LYPD6: variants seen among roughly 807,000 people sequenced by gnomAD.
LYPD6 encodes the protein LY6/PLAUR domain containing 6.
LYPD6 carries 15 observed loss-of-function variants against 22.7 expected under a neutral mutation model. That is an observed-to-expected ratio of 0.66 (90% CI 0.44 to 1.02). LYPD6 has a LOEUF of 1.02. Among genes scored for constraint, LYPD6 ranks in the 50% least tolerant of loss-of-function variants. The pLI is 0.00. For missense variants in LYPD6, 189 were observed against 208.4 expected, an observed-to-expected ratio of 0.91 and a Z score of 0.57; for synonymous variants, 72 against 77.5, an observed-to-expected ratio of 0.93 and a Z score of 0.37.
chr2:149,345,060 A>T (rs576208997), intron 1 of LYPD6, among the ~76,000 whole-genome samples: 8 of 151,988 alleles, frequency 5.3e-5, no homozygotes, highest in Middle Eastern at 6.8e-3. Context: ...CTCCATCTTT[A>T]AAAAAAATAA....
At chr2:149,450,601 G>T (rs531611350) in intron 3 of LYPD6, among the ~76,000 whole-genome samples, 136 of 152,252 alleles carry the variant, frequency 8.9e-4, no homozygotes, top group African/African-American at 3.1e-3. Flanking sequence ...ATATCCAGCC[G>T]TCTGAGTAAT....
intron 1 of LYPD6, among the ~76,000 whole-genome samples, chr2:149,369,402 G>T (rs976339034): frequency 1.1e-4 from 17 of 152,054 alleles, no homozygotes; most frequent in South Asian, 2.1e-4. Context: ...CTCTGTGTGG[G>T]TGACATACCC....
chr2:149,368,850 A>T (rs149525994), intron 1 of LYPD6, among the ~76,000 whole-genome samples: 60 of 152,280 alleles, frequency 3.9e-4, no homozygotes, highest in Non-Finnish European at 6.6e-4. Flanking sequence ...CGGGAAACAG[A>T]GGAAGAAGGG....
chr2:149,449,239 T>A, intron 3 of LYPD6, 92 bp downstream of exon 3: 2 of 757,554 alleles, frequency 2.6e-6, no homozygotes, highest in East Asian at 5.4e-5. Context: ...GAGGCATGCT[T>A]GCAATCTCAG....
intron 1 of LYPD6, among the ~76,000 whole-genome samples, chr2:149,435,672 A>C (rs527419230): frequency 6.6e-6 from 1 of 152,318 alleles, no homozygotes; most frequent in South Asian, 2.1e-4. Flanking sequence ...TTGTTTTTTC[A>C]TCATGTTGTT....
chr2:149,377,250 C>G (rs1198871836), intron 1 of LYPD6, among the ~76,000 whole-genome samples: 5 of 148,946 alleles, frequency 3.4e-5, no homozygotes, highest in Admixed American at 1.3e-4. Flanking sequence ...TCTGTCAGGT[C>G]TGCTGGCAGG....
Position 149,437,680 on chromosome 2 carries a change from C to T in LYPD6, c.-29C>T. 1 of 1,613,104 alleles carries T rather than the reference C, an allele frequency of 6.2e-7. No individual in the cohort carries two copies. On this transcript the variant is annotated 5_prime_UTR_variant, in exon 2 of 5. Transcript: ENST00000334166. ...TTGCCCTGAGTGCCCACTCCCAGGCCCTCTGTATGAGTGACACTTCAGTCT... is the reference window on the plus strand; with the variant it reads ...TTGCCCTGAGTGCCCACTCCCAGGCTCTCTGTATGAGTGACACTTCAGTCT...
rs549294901 is a variant in LYPD6 at position 149,333,780 on chromosome 2, G to T, written c.-72+3058G>T. Among the ~76,000 whole-genome samples the T allele has an allele frequency of 3.3e-5, 5 of 152,142 alleles. No individual in the cohort carries two copies. The South Asian group carries it at 8.3e-4, about 25-fold the overall frequency. On this transcript the variant is annotated intron_variant, in intron 1 of 4. Transcript: ENST00000334166. ...AAATGCCCCGTTATTGTTAGCTGTT[G>T]GTATCATACATTCTTTCAGGAACTG...
intron 1 of LYPD6, among the ~76,000 whole-genome samples, chr2:149,416,505 A>G (rs140565383): frequency 9.2e-5 from 14 of 152,308 alleles, no homozygotes; most frequent in African/African-American, 2.6e-4. Flanking sequence ...TATCTCTGCC[A>G]TTTGGTCCCT....
At position 149,331,779 on chromosome 2, in the gene LYPD6, A is replaced by G. The variant is rs554802280; in HGVS notation, c.-72+1057A>G. Among the ~76,000 whole-genome samples, 195 of 152,034 alleles carry G rather than the reference A, an allele frequency of 1.3e-3. 4 individuals carry two copies. In the South Asian group the frequency reaches 0.034, roughly 27 times the overall value. ...CCCAAGGTGTGACCTCCAAAATTCA[A>G]TTTTCTTTGTGGGAGGCAAGGGAGT... On this transcript the variant is annotated intron_variant, in intron 1 of 4. Coordinates refer to ENST00000334166, the MANE Select transcript of LYPD6 (RefSeq NM_194317.5).
At chr2:149,429,488 T>C (rs1294558966) in intron 1 of LYPD6, among the ~76,000 whole-genome samples, 2 of 152,220 alleles carry the variant, frequency 1.3e-5, no homozygotes, top group African/African-American at 2.4e-5. Context: ...GCCTATTTGA[T>C]TGGGATTTCT....
At position 149,382,834 on chromosome 2, in the gene LYPD6, CTT is replaced by C. The variant is rs1412040469; in HGVS notation, c.-72+52115_-72+52116del. 2.0e-5 allele frequency among the ~76,000 whole-genome samples: 3 copies of C among 151,888 alleles called. 1 individual carries two copies. The highest frequency in any genetic ancestry group is 4.4e-5 in the Non-Finnish European group (3 of 67,950). On this transcript the variant is annotated intron_variant, in intron 1 of 4. Coordinates refer to ENST00000334166, the MANE Select transcript of LYPD6 (RefSeq NM_194317.5). ...CAAATTTATGAAAATATTGTGGACT[CTT>C]TTCTAGAATTCTTTAAGATAGATTA...
chr2:149,410,649 G>C (rs886711078), intron 1 of LYPD6, among the ~76,000 whole-genome samples: 2 of 152,150 alleles, frequency 1.3e-5, no homozygotes, highest in East Asian at 3.9e-4. Context: ...TAAAGTCGTT[G>C]ATTCCTGATT....
upstream of LYPD6, chr2:149,330,364 G>C (rs1458569447): frequency 6.6e-6 from 1 of 151,616 alleles, no homozygotes; most frequent in Non-Finnish European, 1.5e-5. Flanking sequence ...GCTGGCCGGA[G>C]TTTGCAGACT....
At chr2:149,382,764 G>GATTTGA (rs1239366691) in intron 1 of LYPD6, among the ~76,000 whole-genome samples, 1,316 of 50,186 alleles carry the variant, frequency 0.026, 21 homozygotes, top group African/African-American at 0.17. Context: ...TAGAAAAGTA[G>GATTTGA]TAGATTTGAT....
chr2:149,369,093 G>A (rs541679134), intron 1 of LYPD6, among the ~76,000 whole-genome samples: 1 of 152,034 alleles, frequency 6.6e-6, no homozygotes, highest in African/African-American at 2.4e-5. Flanking sequence ...AGGAGAAATA[G>A]GGTGAAGGGT....
intron 1 of LYPD6, among the ~76,000 whole-genome samples, chr2:149,383,040 A>G (rs773977823): frequency 8.5e-5 from 13 of 152,070 alleles, no homozygotes; most frequent in Non-Finnish European, 1.5e-4. Flanking sequence ...TCAATAGGGT[A>G]TTTTTATTGT....
chr2:149,404,148 G>T (rs1335077738), intron 1 of LYPD6, among the ~76,000 whole-genome samples: 1 of 152,166 alleles, frequency 6.6e-6, no homozygotes, highest in Non-Finnish European at 1.5e-5. Context: ...TTGTAGTATG[G>T]TTTGAAGTCA....
In LYPD6 at chr2:149,338,709, G is replaced by A. The variant is rs549898633; in HGVS notation, c.-72+7987G>A. The stretch of plus-strand genomic sequence containing the variant: ...ATTCTGTTATTTATAAATTACCCCG[G>A]CTAAGGCATTTTATTATAGCAGCCT... On this transcript the variant is annotated intron_variant, in intron 1 of 4. Transcript: ENST00000334166. Among the ~76,000 whole-genome samples, 23 of 152,164 alleles carry A rather than the reference G, an allele frequency of 1.5e-4. No individual in the cohort carries two copies. In the South Asian group the frequency reaches 3.9e-3, roughly 26 times the overall value.
Sources: gnomAD v4.1 joint callset for allele counts (sites outside exome capture counted in the v4.1 genomes callset) on GRCh38, gnomAD v4.1.1 for gene constraint, MANE v1.5 for transcripts, NCBI Gene and HGNC (gene_info 2026-07-23, HGNC 2026-07-21) for gene names.